The following NFASC variants were observed in gnomAD, a reference collection of about 807,000 sequenced individuals.
The protein encoded by NFASC is neurofascin.
NFASC carries 43 observed loss-of-function variants against 147.5 expected under a neutral mutation model. The observed-to-expected ratio is 0.29, with a 90% CI of 0.23 to 0.38. The LOEUF is 0.38. Ranked by LOEUF, NFASC falls within the 10% of genes least tolerant of loss-of-function variation. The pLI is 1.00. For missense variants in NFASC, 1,320 were observed against 1,689.0 expected (o/e 0.78, Z 3.83); for synonymous variants, 622 against 665.5 (o/e 0.93, Z 1.01).
intron 1 of NFASC, among the ~76,000 whole-genome samples, chr1:204,870,352 G>A (rs1023415845): frequency 6.6e-6 from 1 of 152,318 alleles, no homozygotes; most frequent in Non-Finnish European, 1.5e-5. Context: ...CCATTGTCCT[G>A]TGTGGGGCCA....
intron 1 of NFASC, among the ~76,000 whole-genome samples, chr1:204,912,827 T>C (rs2087952159): frequency 6.6e-6 from 1 of 151,984 alleles, no homozygotes; most frequent in Non-Finnish European, 1.5e-5. Flanking sequence ...GAGACCAGCC[T>C]ATGAAACATA....
Position 205,001,160 on chromosome 1 carries a change from C to A in NFASC, c.3020-10C>A. On this transcript the variant is annotated splice_polypyrimidine_tract_variant and intron_variant, in intron 25 of 29. Transcript: ENST00000339876. ...CTCATCACTAACCCCTTTTCTAACC[C>A]GTCCACCAGCCCCTGATGAGCAGTC... 3 of 1,557,308 alleles carry A rather than the reference C, an allele frequency of 1.9e-6. No homozygotes were observed. The highest frequency in any genetic ancestry group is 2.3e-5 in the East Asian group (1 of 43,818).
chr1:204,893,970 A>G (rs1473351078), intron 1 of NFASC, among the ~76,000 whole-genome samples: 3 of 152,244 alleles, frequency 2.0e-5, no homozygotes, highest in African/African-American at 7.2e-5. Context: ...CATAACAAGT[A>G]GTCTGGATGT....
At chr1:204,844,498 G>A (rs1390564401) in intron 1 of NFASC, among the ~76,000 whole-genome samples, 2 of 152,156 alleles carry the variant, frequency 1.3e-5, no homozygotes, top group Non-Finnish European at 2.9e-5. Context: ...GAGACAAAGA[G>A]GCAGTTTTTG....
chr1:204,892,516 C>G (rs2082607569), intron 1 of NFASC, among the ~76,000 whole-genome samples: 1 of 152,240 alleles, frequency 6.6e-6, no homozygotes, highest in African/African-American at 2.4e-5. Flanking sequence ...CTGACATGCA[C>G]TGCTGTCAGC....
At chr1:204,842,228 C>T (rs1675559156) in intron 1 of NFASC, among the ~76,000 whole-genome samples, 1 of 152,172 alleles carries the variant, frequency 6.6e-6, no homozygotes, top group Admixed American at 6.5e-5. Context: ...CATATCTGGT[C>T]CACATTTGTT....
At chr1:204,957,952 G>C in intron 8 of NFASC, 126 bp downstream of exon 8, 1 of 832,522 alleles carries the variant, frequency 1.2e-6, no homozygotes, top group Non-Finnish European at 1.9e-6. Flanking sequence ...AATCCTTCCA[G>C]CTCATGGTGC....
In NFASC at chr1:205,020,497, G is replaced by C. The variant is rs2096393328; in HGVS notation, c.*3958G>C. 1 of 152,220 alleles carries C rather than the reference G, an allele frequency of 6.6e-6. No individual in the cohort carries two copies. The highest frequency in any genetic ancestry group is 6.5e-5 in the Admixed American group (1 of 15,284). The allele number at this position is 152,220 out of a possible 1,614,324, so 9.4% of individuals were successfully genotyped here. A position where few individuals can be genotyped will look rare whatever the true frequency, so the allele number is the denominator to read the frequency against. On this transcript the variant is annotated 3_prime_UTR_variant, in exon 30 of 30. Coordinates refer to ENST00000339876, the MANE Select transcript of NFASC (RefSeq NM_001005388.3). ...ATGAGGAACGCACCTTAGAGGAGTG[G>C]GAAAGGCCACCAGGGTTGGGCCCTG...
chr1:205,009,283 C>CTT (rs1449722721), intron 27 of NFASC: 1 of 556,726 alleles, frequency 1.8e-6, no homozygotes, highest in African/African-American at 1.9e-5. Context: ...CCCTATGACA[C>CTT]TTTCCCCTTC....
intron 20 of NFASC, 116 bp from the exon 21 acceptor site, chr1:204,981,682 A>C: frequency 1.7e-6 from 1 of 603,522 alleles, no homozygotes; most frequent in Non-Finnish European, 2.8e-6. Flanking sequence ...GCAAGGGGGC[A>C]GGCCAGTGTT....
chr1:204,898,226 G>A (rs2083781500), intron 1 of NFASC, among the ~76,000 whole-genome samples: 1 of 152,108 alleles, frequency 6.6e-6, no homozygotes, highest in Non-Finnish European at 1.5e-5. Context: ...TCATTAAGAA[G>A]ACAAAATATA....
At chr1:204,904,672 A>G (rs1249253119) in intron 1 of NFASC, among the ~76,000 whole-genome samples, 1 of 152,252 alleles carries the variant, frequency 6.6e-6, no homozygotes, top group Non-Finnish European at 1.5e-5. Context: ...GAATCCAATT[A>G]GAGATTTCTG....
At chr1:205,005,813 A>C (rs548059050) in intron 27 of NFASC, among the ~76,000 whole-genome samples, 1 of 152,330 alleles carries the variant, frequency 6.6e-6, no homozygotes, top group East Asian at 1.9e-4. Flanking sequence ...CTTCACAGGA[A>C]ATTCTTTCAC....
chr1:204,868,984 G>A (rs1164529948), intron 1 of NFASC, among the ~76,000 whole-genome samples: 1 of 152,124 alleles, frequency 6.6e-6, no homozygotes, highest in African/African-American at 2.4e-5. Flanking sequence ...TTCTGGCTCT[G>A]AGTCTTAGGG....
intron 3 of NFASC, among the ~76,000 whole-genome samples, 200 bp from the exon 4 acceptor site, chr1:204,950,357 C>T (rs936595916): frequency 1.3e-5 from 2 of 152,208 alleles, no homozygotes; most frequent in Non-Finnish European, 2.9e-5. Flanking sequence ...ATAAGGCACT[C>T]ACTGGGTCCG....
chr1:204,854,244 C>G (rs2075959811), intron 1 of NFASC, among the ~76,000 whole-genome samples: 2 of 152,138 alleles, frequency 1.3e-5, no homozygotes, highest in South Asian at 2.1e-4. Flanking sequence ...GTAGCCTCAC[C>G]TACTTCCATC....
intron 2 of NFASC, among the ~76,000 whole-genome samples, chr1:204,921,525 C>T (rs746979773): frequency 6.6e-6 from 1 of 152,052 alleles, no homozygotes; most frequent in Admixed American, 6.6e-5. Context: ...GTCTTTTTTC[C>T]TCCCAGAAAG....
At chr1:204,907,091 T>TGA (rs1371910575) in intron 1 of NFASC, among the ~76,000 whole-genome samples, 1 of 152,214 alleles carries the variant, frequency 6.6e-6, no homozygotes, top group Non-Finnish European at 1.5e-5. Flanking sequence ...GCAATGTATG[T>TGA]GAGTTCCAGT....
At chr1:204,957,853 T>C (rs1383240733) in intron 8 of NFASC, 27 bp downstream of exon 8, 1 of 1,610,576 alleles carries the variant, frequency 6.2e-7, no homozygotes, top group East Asian at 2.2e-5. Flanking sequence ...GTCCCGGGGC[T>C]GGGGGCCAAA....
Sources: gnomAD v4.1 joint callset for allele counts (sites outside exome capture counted in the v4.1 genomes callset) on GRCh38, gnomAD v4.1.1 for gene constraint, MANE v1.5 for transcripts, NCBI Gene and HGNC (gene_info 2026-07-23, HGNC 2026-07-21) for gene names.